Variants in REDIC1 observed in about 807,000 individuals in gnomAD.
REDIC1 encodes the protein HEI10 Interacting Protein 1.
chr12:39,893,158 C>T, the REDIC1 span, among the ~76,000 whole-genome samples: 1 of 152,096 alleles, frequency 6.6e-6, no homozygotes, highest in African/African-American at 2.4e-5. Flanking sequence ...AAGAAAGCAA[C>T]AACATATTCA....
chr12:39,714,047 A>C, the REDIC1 span, among the ~76,000 whole-genome samples: 1 of 9,226 alleles, frequency 1.1e-4, no homozygotes, highest in African/African-American at 1.9e-4. Flanking sequence ...GTATATACAC[A>C]TGTATATACA....
chr12:39,906,890 A>T, the REDIC1 span, among the ~76,000 whole-genome samples: 1 of 152,146 alleles, frequency 6.6e-6, no homozygotes, highest in Non-Finnish European at 1.5e-5. Flanking sequence ...ATAAAGTAAA[A>T]AAACTTTGTT....
chr12:39,901,114 G>A, the REDIC1 span, among the ~76,000 whole-genome samples: 2 of 152,176 alleles, frequency 1.3e-5, no homozygotes, highest in African/African-American at 4.8e-5. Flanking sequence ...AATAAATGGT[G>A]TGGGGAAAAC....
At chr12:39,752,101 G>A in the REDIC1 span, among the ~76,000 whole-genome samples, 1 of 152,296 alleles carries the variant, frequency 6.6e-6, no homozygotes, top group East Asian at 1.9e-4. Flanking sequence ...TGTAGGAGGT[G>A]CTAGAGAGGC....
At chr12:39,750,973 A>G in the REDIC1 span, among the ~76,000 whole-genome samples, 129 of 152,286 alleles carry the variant, frequency 8.5e-4, 1 homozygote, top group African/African-American at 3.0e-3. Flanking sequence ...AAGAAAACCT[A>G]GGCAATACCA....
the REDIC1 span, among the ~76,000 whole-genome samples, chr12:39,885,691 G>T: frequency 6.6e-6 from 1 of 152,132 alleles, no homozygotes; most frequent in Non-Finnish European, 1.5e-5. Context: ...TCTACCTCGT[G>T]AATCATGGAA....
At chr12:39,868,854 T>C in the REDIC1 span, among the ~76,000 whole-genome samples, 1 of 152,208 alleles carries the variant, frequency 6.6e-6, no homozygotes, top group East Asian at 1.9e-4. Flanking sequence ...GGACTACATA[T>C]TTTGTACTTC....
the REDIC1 span, among the ~76,000 whole-genome samples, chr12:39,673,047 G>C: frequency 6.6e-6 from 1 of 152,066 alleles, no homozygotes; most frequent in Non-Finnish European, 1.5e-5. Flanking sequence ...TGAGAATGTG[G>C]ACTGCTGGGG....
chr12:39,805,136 GCAGGC>G, the REDIC1 span, among the ~76,000 whole-genome samples: 1 of 148,918 alleles, frequency 6.7e-6, no homozygotes, highest in Non-Finnish European at 1.5e-5. Flanking sequence ...GACAGCAAGG[GCAGGC>G]CAGGCCAGGC....
the REDIC1 span, among the ~76,000 whole-genome samples, chr12:39,718,606 C>T: frequency 6.6e-6 from 1 of 152,116 alleles, no homozygotes; most frequent in Admixed American, 6.6e-5. Flanking sequence ...TAAAGTTAGC[C>T]TATCCCATCC....
At chr12:39,715,692 G>A in the REDIC1 span, among the ~76,000 whole-genome samples, 1 of 151,846 alleles carries the variant, frequency 6.6e-6, no homozygotes, top group Non-Finnish European at 1.5e-5. Flanking sequence ...TAAGGCCATG[G>A]TCACCAAAAC....
the REDIC1 span, among the ~76,000 whole-genome samples, chr12:39,847,014 C>T: frequency 3.3e-5 from 5 of 152,112 alleles, no homozygotes; most frequent in African/African-American, 1.2e-4. Flanking sequence ...GCCAAGGAAA[C>T]AGGACAAATG....
At chr12:39,634,964 A>G in the REDIC1 span, among the ~76,000 whole-genome samples, 2 of 152,254 alleles carry the variant, frequency 1.3e-5, no homozygotes, top group Non-Finnish European at 1.5e-5. Flanking sequence ...CCCATCAAAA[A>G]GTGGGCAAAG....
chr12:39,895,875 TATGTATATGCGTGTATATGCACACAC>T, the REDIC1 span, among the ~76,000 whole-genome samples: 191 of 100,318 alleles, frequency 1.9e-3, 40 homozygotes, highest in East Asian at 0.022. Context: ...TGCACACACA[TATGTATATGCGTGTATATGCACACAC>T]ATATGTATAT....
chr12:39,853,956 C>G, the REDIC1 span, among the ~76,000 whole-genome samples: 1 of 151,990 alleles, frequency 6.6e-6, no homozygotes, highest in African/African-American at 2.4e-5. Flanking sequence ...ATTTTCAGGG[C>G]AGTATTTTGT....
the REDIC1 span, among the ~76,000 whole-genome samples, chr12:39,905,620 ATGC>A: frequency 2.0e-5 from 3 of 152,088 alleles, no homozygotes; most frequent in Admixed American, 1.3e-4. Context: ...AGTCTTGCAA[ATGC>A]TGCTGATTTT....
the REDIC1 span, among the ~76,000 whole-genome samples, chr12:39,627,628 C>T: frequency 6.6e-6 from 1 of 152,124 alleles, no homozygotes; most frequent in Non-Finnish European, 1.5e-5. Context: ...GGTGCAGCAT[C>T]TGGAGATATT....
the REDIC1 span, among the ~76,000 whole-genome samples, chr12:39,896,646 AAAC>A: frequency 1.1e-4 from 17 of 151,730 alleles, no homozygotes; most frequent in Non-Finnish European, 1.3e-4. Flanking sequence ...TTCTGGAAGA[AAAC>A]AACACTGCTC....
the REDIC1 span, chr12:39,643,995 T>G: frequency 1.7e-6 from 2 of 1,179,646 alleles, no homozygotes; most frequent in South Asian, 3.4e-5. Context: ...AGTTTGTAAT[T>G]TTTGAGCTCA....
Sources: allele counts gnomAD v4.1 joint callset (sites outside exome capture counted in the v4.1 genomes callset), GRCh38; gene constraint gnomAD v4.1.1; transcripts MANE v1.5; gene names NCBI Gene and HGNC (gene_info 2026-07-23, HGNC 2026-07-21).